Variants in CUL2 observed in about 807,000 individuals in gnomAD.
CUL2 encodes cullin-2.
Under a neutral mutation model 110.2 loss-of-function variants are expected in CUL2, and 22 were observed. That is an observed-to-expected ratio of 0.20 (90% CI 0.14 to 0.28). CUL2 has a LOEUF of 0.28. CUL2 is among the 10% of genes least tolerant of loss of function. The probability of loss-of-function intolerance (pLI) is 1.00; values close to 1 mark genes in which losing one functional copy is unlikely to be tolerated. For missense variants in CUL2, 631 were observed against 905.5 expected (o/e 0.70, Z 3.89); for synonymous variants, 279 against 293.2 (o/e 0.95, Z 0.49).
At chr10:35,022,823 G>A (rs2085235855) in intron 17 of CUL2, among the ~76,000 whole-genome samples, 1 of 152,074 alleles carries the variant, frequency 6.6e-6, no homozygotes, top group Admixed American at 6.6e-5. Context: ...GAGGTGGGTG[G>A]ATCACGAGGT....
Position 35,036,979 on chromosome 10 carries a change from C to G in CUL2, c.878-1683G>C, listed in dbSNP as rs182791252. Among the ~76,000 whole-genome samples, 10 of 152,266 alleles carry G rather than the reference C, an allele frequency of 6.6e-5. No individual in the cohort carries two copies. The East Asian group carries it at 1.5e-3, about 24-fold the overall frequency. ...TGTACTCCTGAGCTCAAGCAATCTT[C>G]CTCCCTCTTAATGGCCTTTTAATAA... On this transcript the variant is annotated intron_variant, in intron 9 of 20. Coordinates refer to ENST00000374749, the MANE Select transcript of CUL2 (RefSeq NM_003591.4).
At chr10:35,058,955 G>A (rs1461940660) in intron 4 of CUL2, among the ~76,000 whole-genome samples, 6 of 152,166 alleles carry the variant, frequency 3.9e-5, no homozygotes, top group Non-Finnish European at 8.8e-5. Flanking sequence ...GACTTCAGGG[G>A]AGGAAGTGAC....
intron 2 of CUL2, among the ~76,000 whole-genome samples, chr10:35,100,162 A>G (rs1167604410): frequency 2.0e-5 from 3 of 152,006 alleles, no homozygotes; most frequent in Non-Finnish European, 2.9e-5. Context: ...AGTCTGGCAT[A>G]ACACCAACCT....
intron 17 of CUL2, among the ~76,000 whole-genome samples, 164 bp downstream of exon 17, chr10:35,024,967 GA>G (rs2085298807): frequency 6.6e-6 from 1 of 152,100 alleles, no homozygotes; most frequent in South Asian, 2.1e-4. Flanking sequence ...AAAATACTAT[GA>G]AAAAGTGCTA....
At chr10:35,066,701 T>A (rs548779298) in intron 2 of CUL2, among the ~76,000 whole-genome samples, 1 of 152,250 alleles carries the variant, frequency 6.6e-6, no homozygotes, top group Non-Finnish European at 1.5e-5. Context: ...TCGAAAATTT[T>A]CAAGTGCACA....
At chr10:35,101,099 TC>T (rs1324895177) in intron 1 of CUL2, 2 of 152,050 alleles carry the variant, frequency 1.3e-5, no homozygotes, top group Non-Finnish European at 2.9e-5. Flanking sequence ...AGAGGAGAGG[TC>T]TTCTGGGTTG....
chr10:35,108,486 C>T (rs1278661663), intron 1 of CUL2, among the ~76,000 whole-genome samples: 1 of 149,562 alleles, frequency 6.7e-6, no homozygotes, highest in East Asian at 2.0e-4. Flanking sequence ...AGAAAAAAAA[C>T]ACAGTTATTT....
intron 9 of CUL2, 87 bp downstream of exon 9, chr10:35,038,833 A>G: frequency 1.3e-6 from 1 of 755,348 alleles, no homozygotes; most frequent in Non-Finnish European, 2.0e-6. Context: ...ACTATTACTA[A>G]AATAGGCATT....
intron 8 of CUL2, among the ~76,000 whole-genome samples, chr10:35,041,091 C>A (rs1242574139): frequency 6.6e-6 from 1 of 152,166 alleles, no homozygotes; most frequent in African/African-American, 2.4e-5. Context: ...AAAGTGTTCA[C>A]CACATATTAC....
chr10:35,037,259 A>G (rs1338726416), intron 9 of CUL2, among the ~76,000 whole-genome samples: 1 of 152,166 alleles, frequency 6.6e-6, no homozygotes, highest in East Asian at 1.9e-4. Context: ...CAATTGACTG[A>G]GCAATGCGTG....
intron 1 of CUL2, among the ~76,000 whole-genome samples, chr10:35,108,962 C>A (rs1442887038): frequency 1.3e-5 from 2 of 152,134 alleles, no homozygotes; most frequent in Non-Finnish European, 2.9e-5. Flanking sequence ...CCTGTAATCC[C>A]AGCACTTTGG....
intron 1 of CUL2, among the ~76,000 whole-genome samples, chr10:35,104,459 T>G (rs1296981334): frequency 1.3e-5 from 2 of 152,112 alleles, no homozygotes; most frequent in East Asian, 3.9e-4. Flanking sequence ...CCATTAAGGT[T>G]AACCCCTTGA....
intron 12 of CUL2, among the ~76,000 whole-genome samples, chr10:35,032,004 T>C (rs774870879): frequency 2.6e-5 from 4 of 152,198 alleles, no homozygotes; most frequent in Admixed American, 6.5e-5. Flanking sequence ...ATAAAGCAAC[T>C]GATATAAGTA....
upstream of CUL2, among the ~76,000 whole-genome samples, chr10:35,095,198 C>G (rs1362744912): frequency 6.6e-6 from 1 of 151,822 alleles, no homozygotes; most frequent in Non-Finnish European, 1.5e-5. Flanking sequence ...GTGCTGCATG[C>G]CTGAAATCCC....
At chr10:35,126,346 G>C (rs751540503) in intron 1 of CUL2, among the ~76,000 whole-genome samples, 1 of 152,352 alleles carries the variant, frequency 6.6e-6, no homozygotes, top group Non-Finnish European at 1.5e-5. Flanking sequence ...TTCTTTTGGA[G>C]AAGGACTCAA....
chr10:35,013,660 T>A, intron 19 of CUL2, 39 bp downstream of exon 19: 1 of 1,327,188 alleles, frequency 7.5e-7, no homozygotes, highest in African/African-American at 1.4e-5. Context: ...TGCTTAAATG[T>A]TTCCCCCTCA....
chr10:35,033,178 A>T lies in CUL2; in HGVS notation c.1098T>A (p.Ser366Arg). The change falls in exon 11 of 21, where the codon AGT (serine) becomes AGA (arginine). Residue 366 changes from serine to arginine, a missense_variant. Physicochemically the swap from Ser to Arg is moderately radical, Grantham distance 110 (BLOSUM62 -1). Around this residue, in one of 3 missense-constraint regions of CUL2, gnomAD observed 338 missense variants for 442.5 expected, o/e 0.76. Transcript: ENST00000374749. ...ATTTAAAACTTACCTTATCCAACGC[A>T]CTCATAAAATGCTGATCACCATTCA... is the stretch of plus-strand genomic sequence containing the variant. The part of the protein sequence containing the change: ...TVLNGDQHFM[S>R]ALDKALTSVV... 1.9e-6 allele frequency: 3 copies of T among 1,611,074 alleles called. No individual in the cohort carries two copies. The highest frequency in any genetic ancestry group is 1.7e-6 in the Non-Finnish European group (2 of 1,177,638).
At chr10:35,045,041 G>A (rs560384828) in intron 6 of CUL2, among the ~76,000 whole-genome samples, 173 bp from the exon 7 acceptor site, 1 of 152,188 alleles carries the variant, frequency 6.6e-6, no homozygotes, top group South Asian at 2.1e-4. Context: ...TCACAGCTGA[G>A]TTAATATTCA....
At chr10:35,082,706 T>C (rs1029325246) in intron 1 of CUL2, among the ~76,000 whole-genome samples, 7 of 152,214 alleles carry the variant, frequency 4.6e-5, no homozygotes, top group Admixed American at 2.0e-4. Flanking sequence ...CTTGGTACTA[T>C]GATGACAAAA....
Sources: allele counts gnomAD v4.1 joint callset (sites outside exome capture counted in the v4.1 genomes callset), GRCh38; gene constraint gnomAD v4.1.1; regional missense constraint gnomAD v4.1.1; transcripts MANE v1.5; gene names NCBI Gene and HGNC (gene_info 2026-07-23, HGNC 2026-07-21).